SH3RF3: variants seen among roughly 807,000 people sequenced by gnomAD.
SH3RF3 encodes SH3 domain containing ring finger 3, also known as E3 ubiquitin-protein ligase SH3RF3.
In SH3RF3, 29 loss-of-function variants were observed where a neutral mutation model predicts 66.3. The observed-to-expected ratio is 0.44, with a 90% confidence interval of 0.33 to 0.60. The LOEUF (loss-of-function observed/expected upper bound fraction) is 0.60. SH3RF3 is among the 20% of genes least tolerant of loss of function. The pLI is 0.04. For missense variants in SH3RF3, 1,194 were observed against 1,190.9 expected (o/e 1.00, Z -0.04); for synonymous variants, 583 against 532.0 (o/e 1.10, Z -1.32).
At position 109,418,876 on chromosome 2, in the gene SH3RF3, G is replaced by T. The variant is rs552602476; in HGVS notation, c.1300-663G>T. ...CTGCCCTGCATGGGCTGGGACTAAG[G>T]ATTCTCTATGTAGGAATTCCCTTGG... On this transcript the variant is annotated intron_variant, in intron 4 of 9. Coordinates refer to ENST00000309415, the MANE Select transcript of SH3RF3 (RefSeq NM_001099289.3). Among the ~76,000 whole-genome samples the T allele has an allele frequency of 3.4e-3, 523 of 152,280 alleles. 2 individuals are homozygous for T. Among genetic ancestry groups the T allele is most frequent in the African/African-American group, 0.012 (503 of 41,562 alleles).
chr2:109,304,006 CA>C (rs1342900322), intron 1 of SH3RF3, among the ~76,000 whole-genome samples: 1 of 151,858 alleles, frequency 6.6e-6, no homozygotes, highest in African/African-American at 2.4e-5. Flanking sequence ...GAGGCTGAGG[CA>C]GGAGAATTGC....
chr2:109,319,218 C>T (rs373645860), intron 1 of SH3RF3, among the ~76,000 whole-genome samples: 1 of 152,210 alleles, frequency 6.6e-6, no homozygotes, highest in African/African-American at 2.4e-5. Flanking sequence ...ACAGTGGCAT[C>T]GTTTTGCAGG....
At chr2:109,209,509 A>G (rs1450635980) in intron 1 of SH3RF3, among the ~76,000 whole-genome samples, 1 of 152,200 alleles carries the variant, frequency 6.6e-6, no homozygotes, top group Non-Finnish European at 1.5e-5. Flanking sequence ...GCCTGGGTAC[A>G]GCAAGGGAGG....
intron 1 of SH3RF3, among the ~76,000 whole-genome samples, chr2:109,180,410 T>C (rs1678048017): frequency 6.6e-6 from 1 of 152,162 alleles, no homozygotes; most frequent in African/African-American, 2.4e-5. Flanking sequence ...CAGAGGCCAT[T>C]AGCTAGCCAA....
chr2:109,311,987 T>A (rs1254781814), intron 1 of SH3RF3, among the ~76,000 whole-genome samples: 1 of 152,002 alleles, frequency 6.6e-6, no homozygotes, highest in Non-Finnish European at 1.5e-5. Flanking sequence ...GGTGGTGAGG[T>A]CGGCTGCTGC....
At chr2:109,346,287 T>C (rs1238395591) in intron 1 of SH3RF3, among the ~76,000 whole-genome samples, 1 of 152,224 alleles carries the variant, frequency 6.6e-6, no homozygotes, top group Admixed American at 6.5e-5. Context: ...CTCTCTTAAC[T>C]GCTGTCGTTT....
chr2:109,496,443 A>G (rs1218435045), intron 9 of SH3RF3, among the ~76,000 whole-genome samples: 1 of 152,108 alleles, frequency 6.6e-6, no homozygotes, highest in Non-Finnish European at 1.5e-5. Flanking sequence ...CCAAGTCCCC[A>G]CTCGACCCAG....
intron 1 of SH3RF3, among the ~76,000 whole-genome samples, chr2:109,336,830 C>A (rs1469877384): frequency 6.6e-6 from 1 of 152,152 alleles, no homozygotes; most frequent in Admixed American, 6.5e-5. Context: ...TGCCGAGGGA[C>A]CCTCTCCTGC....
chr2:109,198,439 C>G (rs1001991682), intron 1 of SH3RF3, among the ~76,000 whole-genome samples: 1 of 152,168 alleles, frequency 6.6e-6, no homozygotes, highest in Non-Finnish European at 1.5e-5. Context: ...TCTTGGGTAC[C>G]CTGCCCAGCA....
At chr2:109,178,475 T>TA (rs1677982478) in intron 1 of SH3RF3, among the ~76,000 whole-genome samples, 1 of 152,232 alleles carries the variant, frequency 6.6e-6, no homozygotes, top group African/African-American at 2.4e-5. Context: ...AGAGATATTA[T>TA]ACTTGGATAG....
At chr2:109,318,327 C>A (rs1022905981) in intron 1 of SH3RF3, among the ~76,000 whole-genome samples, 4 of 152,030 alleles carry the variant, frequency 2.6e-5, no homozygotes, top group African/African-American at 9.7e-5. Context: ...TGCCTCCCGG[C>A]CCCCAGCCCG....
At chr2:109,208,136 G>A (rs940460623) in intron 1 of SH3RF3, among the ~76,000 whole-genome samples, 1 of 152,282 alleles carries the variant, frequency 6.6e-6, no homozygotes, top group African/African-American at 2.4e-5. Context: ...TGGGCTCAGA[G>A]TCTGAGCTTA....
At chr2:109,167,798 C>T (rs977943524) in intron 1 of SH3RF3, among the ~76,000 whole-genome samples, 6 of 152,162 alleles carry the variant, frequency 3.9e-5, no homozygotes, top group Admixed American at 2.0e-4. Flanking sequence ...GTCTTGATCT[C>T]CTGACCTTGT....
chr2:109,426,205 G>A (rs550551343), intron 5 of SH3RF3, among the ~76,000 whole-genome samples: 7 of 152,278 alleles, frequency 4.6e-5, no homozygotes, highest in East Asian at 1.9e-4. Flanking sequence ...CACTGCGCCC[G>A]GCCAAGCAGT....
intron 1 of SH3RF3, among the ~76,000 whole-genome samples, chr2:109,175,999 G>A (rs1677904588): frequency 6.6e-6 from 1 of 152,176 alleles, no homozygotes; most frequent in South Asian, 2.1e-4. Context: ...AGATCCACGT[G>A]GTCTAATTGA....
chr2:109,330,336 A>G lies in SH3RF3; in HGVS notation c.574-17338A>G, dbSNP rs138007025. ...GGGGCAAAATTCTTCTCTTGTGCCT[A>G]TCTCTCTCCGTCTCTTCCTTCTTTT... On this transcript the variant is annotated intron_variant, in intron 1 of 9. Transcript: ENST00000309415. 2.4e-3 allele frequency among the ~76,000 whole-genome samples: 372 copies of G among 151,980 alleles called. 3 individuals are homozygous for G. Among genetic ancestry groups the G allele is most frequent in the African/African-American group, 8.8e-3 (367 of 41,490 alleles).
At chr2:109,348,079 CT>C in intron 2 of SH3RF3, 130 bp downstream of exon 2, 1 of 1,285,596 alleles carries the variant, frequency 7.8e-7, no homozygotes, top group Non-Finnish European at 1.0e-6. Flanking sequence ...TCCCGGAACC[CT>C]GGGCAAATGA....
chr2:109,432,168 CAG>C (rs1677244751), intron 5 of SH3RF3, among the ~76,000 whole-genome samples: 1 of 152,190 alleles, frequency 6.6e-6, no homozygotes, highest in Admixed American at 6.5e-5. Context: ...GGATGCAGTT[CAG>C]AGAGTCCTTG....
intron 4 of SH3RF3, among the ~76,000 whole-genome samples, chr2:109,410,011 G>A (rs1403341133): frequency 1.3e-5 from 2 of 152,130 alleles, no homozygotes; most frequent in East Asian, 1.9e-4. Context: ...CGGAGCCCCC[G>A]TACAGCCTGC....
Sources: gnomAD v4.1 joint callset for allele counts (sites outside exome capture counted in the v4.1 genomes callset) on GRCh38, gnomAD v4.1.1 for gene constraint, MANE v1.5 for transcripts, NCBI Gene and HGNC (gene_info 2026-07-23, HGNC 2026-07-21) for gene names.